The following TTC7B variants were observed in gnomAD, a reference collection of about 807,000 sequenced individuals.
TTC7B encodes tetratricopeptide repeat protein 7B.
A neutral mutation model predicts 106.8 loss-of-function variants in TTC7B; 28 were observed. The ratio of observed to expected loss-of-function variants is 0.26; its 90% CI spans 0.19 to 0.36. The LOEUF is 0.36. TTC7B is among the 10% of genes least tolerant of loss of function. The pLI is 1.00. For synonymous variants in TTC7B, 405 were observed against 430.6 expected (o/e 0.94, Z 0.74); for missense variants, 862 against 1,076.4 (o/e 0.80, Z 2.79).
intron 19 of TTC7B, among the ~76,000 whole-genome samples, chr14:90,557,318 G>T (rs1890357735): frequency 6.6e-6 from 1 of 152,110 alleles, no homozygotes; most frequent in African/African-American, 2.4e-5. Context: ...AAGTCACGTG[G>T]GGCAGAGGGC....
At chr14:90,611,609 G>T (rs1361254878) in intron 16 of TTC7B, among the ~76,000 whole-genome samples, 1 of 152,078 alleles carries the variant, frequency 6.6e-6, no homozygotes, top group African/African-American at 2.4e-5. Flanking sequence ...CAGGGTTTTG[G>T]TGGCAGCCTC....
Position 90,657,323 on chromosome 14 carries a change from A to G in TTC7B, c.1237-45T>C, listed in dbSNP as rs923292223. The G allele has an allele frequency of 5.0e-6, 8 of 1,586,460 alleles. No homozygotes were observed. The highest frequency in any genetic ancestry group is 1.7e-5 in the Admixed American group (1 of 59,570). On this transcript the variant is annotated intron_variant, in intron 10 of 19. Transcript: ENST00000328459. This position sits in a 1 kb window ranked among gnomAD's most constrained non-coding sequence, Gnocchi z 4.2. The stretch of plus-strand genomic sequence containing the variant: ...TTCCGTGAAACTCAAAGTGTTTGAC[A>G]GAACCGAATACTACAGCCTTCTCAG...
At position 90,600,702 on chromosome 14, in the gene TTC7B, G is replaced by A. The variant is rs985532025; in HGVS notation, c.1967-7076C>T. 6.6e-6 allele frequency among the ~76,000 whole-genome samples: 1 copy of A among 152,238 alleles called. No homozygotes were observed. Among genetic ancestry groups the A allele is most frequent in the Non-Finnish European group, 1.5e-5 (1 of 68,040 alleles). On this transcript the variant is annotated intron_variant, in intron 17 of 19. Transcript: ENST00000328459. This position sits in a 1 kb window ranked among gnomAD's most constrained non-coding sequence, Gnocchi z 4.3. ...CCGGTGGGCATGCGGGGCTAGCGCA[G>A]CATGCTGCTGGTGGGTGCTGGCAGG...
At chr14:90,752,979 C>A (rs117881568) in intron 3 of TTC7B, among the ~76,000 whole-genome samples, 1 of 152,188 alleles carries the variant, frequency 6.6e-6, no homozygotes, top group Admixed American at 6.5e-5. Context: ...TTCCCCAGAT[C>A]GCTGGGCCTC....
intron 14 of TTC7B, chr14:90,645,009 C>T (rs1421526222): frequency 6.6e-6 from 1 of 152,180 alleles, no homozygotes; most frequent in Non-Finnish European, 1.5e-5. Context: ...GTATGTGACA[C>T]CCTGGATTCC....
chr14:90,676,420 A>G, intron 9 of TTC7B, 103 bp downstream of exon 9: 1 of 1,387,742 alleles, frequency 7.2e-7, no homozygotes, highest in South Asian at 1.4e-5. Flanking sequence ...CATGGCTGCC[A>G]CTAATAGAGG....
At chr14:90,610,489 T>G (rs1003183599) in intron 17 of TTC7B, among the ~76,000 whole-genome samples, 4 of 152,122 alleles carry the variant, frequency 2.6e-5, no homozygotes, top group African/African-American at 9.7e-5. Context: ...AGTTTCAAAT[T>G]TTAAGTTCCA....
chr14:90,638,720 G>A (rs1258163242), intron 15 of TTC7B, among the ~76,000 whole-genome samples: 1 of 152,176 alleles, frequency 6.6e-6, no homozygotes, highest in African/African-American at 2.4e-5. Flanking sequence ...CTGTGGAACT[G>A]GACGAGCTGA....
chr14:90,773,837 A>G (rs1890940749), intron 3 of TTC7B, among the ~76,000 whole-genome samples: 1 of 152,056 alleles, frequency 6.6e-6, no homozygotes, highest in Non-Finnish European at 1.5e-5. Context: ...AAAAAGCCCC[A>G]TTCCTTCAGT....
chr14:90,675,555 GC>G (rs1236821953), intron 9 of TTC7B, among the ~76,000 whole-genome samples: 1 of 152,166 alleles, frequency 6.6e-6, no homozygotes, highest in Non-Finnish European at 1.5e-5. Flanking sequence ...AGTAACCACT[GC>G]CCTGTAGAGT....
At chr14:90,670,345 C>T (rs770845157) in intron 9 of TTC7B, among the ~76,000 whole-genome samples, 2 of 151,940 alleles carry the variant, frequency 1.3e-5, no homozygotes, top group Non-Finnish European at 2.9e-5. Context: ...ACTAGGGTAT[C>T]GGGAAGGAGA....
intron 13 of TTC7B, 24 bp from the exon 14 acceptor site, chr14:90,647,047 A>G: frequency 6.2e-7 from 1 of 1,611,544 alleles, no homozygotes; most frequent in Non-Finnish European, 8.5e-7. Flanking sequence ...TACGGCTATT[A>G]GTACATGGGA....
chr14:90,575,378 C>G lies in TTC7B; in HGVS notation c.2310+2728G>C, dbSNP rs1055914255. Among the ~76,000 whole-genome samples the G allele has an allele frequency of 1.1e-4, 17 of 152,354 alleles. No individual in the cohort carries two copies. Among genetic ancestry groups the G allele is most frequent in the Middle Eastern group, 3.4e-3 (1 of 294 alleles). ...GAGCTGTGATTCTAACCCAGGCCAG[C>G]CTGGCTCCAGGGCCTCCTCCTGGGC... On this transcript the variant is annotated intron_variant, in intron 19 of 19. Transcript: ENST00000328459. This position sits in a 1 kb window ranked among gnomAD's most constrained non-coding sequence, Gnocchi z 5.2.
In TTC7B at chr14:90,644,040, T is replaced by A. The variant is rs765401871; in HGVS notation, c.1751+8A>T. 6.8e-6 allele frequency: 11 copies of A among 1,613,970 alleles called. No individual in the cohort carries two copies. Among genetic ancestry groups the A allele is most frequent in the Non-Finnish European group, 6.8e-6 (8 of 1,179,972 alleles). On this transcript the variant is annotated splice_region_variant and intron_variant, in intron 15 of 19. Transcript: ENST00000328459. Reference sequence around the variant, plus strand: ...AGTAAGGGAAAACCAAAGCCCAGGATCACTTACATGAAATTTTCTGGGTAT... The same window carrying A: ...AGTAAGGGAAAACCAAAGCCCAGGAACACTTACATGAAATTTTCTGGGTAT...
chr14:90,546,924 A>G lies in TTC7B; in HGVS notation c.2311-5335T>C, dbSNP rs533616281. 3.9e-5 allele frequency among the ~76,000 whole-genome samples: 6 copies of G among 152,326 alleles called. No homozygotes were observed. In the South Asian group the frequency reaches 1.2e-3, roughly 32 times the overall value. ...TGCTGGGGCTTGAGTTTCACAGACC[A>G]GATGACCCGCCTACAGGTAGCTAGC... On this transcript the variant is annotated intron_variant, in intron 19 of 19. Coordinates refer to ENST00000328459, the MANE Select transcript of TTC7B (RefSeq NM_001010854.2).
chr14:90,593,661 C>T (rs746054044), intron 17 of TTC7B, 35 bp from the exon 18 acceptor site: 65 of 1,540,816 alleles, frequency 4.2e-5, no homozygotes, highest in Middle Eastern at 1.7e-4. Context: ...CTATCAGGAG[C>T]GAAAGAACAG....
chr14:90,638,184 T>C lies in TTC7B; in HGVS notation c.1751+5864A>G, dbSNP rs1342991956. Reference sequence around the variant, plus strand: ...ACAGGCGTGGACCACTGCACCCAGCTAAATGTAATTCTTAATGGTAAAACA... The same window carrying C: ...ACAGGCGTGGACCACTGCACCCAGCCAAATGTAATTCTTAATGGTAAAACA... On this transcript the variant is annotated intron_variant, in intron 15 of 19. Coordinates refer to ENST00000328459, the MANE Select transcript of TTC7B (RefSeq NM_001010854.2). Among the ~76,000 whole-genome samples the C allele has an allele frequency of 2.0e-5, 3 of 152,168 alleles. No homozygotes were observed. In the East Asian group the frequency reaches 5.8e-4, roughly 29 times the overall value.
chr14:90,606,793 T>C (rs78100261), intron 17 of TTC7B, among the ~76,000 whole-genome samples: 1,906 of 152,352 alleles, frequency 0.013, 25 homozygotes, highest in Non-Finnish European at 0.02. Context: ...TCAAAGCTTA[T>C]GGACGTGGGT....
At chr14:90,708,576 T>C (rs1163871426) in intron 5 of TTC7B, among the ~76,000 whole-genome samples, 4 of 152,222 alleles carry the variant, frequency 2.6e-5, no homozygotes, top group Admixed American at 6.5e-5. Context: ...ACTGTTCAGA[T>C]GCACTCAAAA....
Sources: allele counts gnomAD v4.1 joint callset (sites outside exome capture counted in the v4.1 genomes callset), GRCh38; gene constraint gnomAD v4.1.1; non-coding constraint Gnocchi (gnomAD v3.1); transcripts MANE v1.5; gene names NCBI Gene and HGNC (gene_info 2026-07-23, HGNC 2026-07-21).